Variants in BNC2 observed in about 807,000 individuals in gnomAD.
BNC2 encodes basonuclin zinc finger protein 2.
Under a neutral mutation model 76.3 loss-of-function variants are expected in BNC2, and 20 were observed. The observed-to-expected ratio is 0.26, with a 90% CI of 0.18 to 0.38. The LOEUF (loss-of-function observed/expected upper bound fraction) is 0.38. BNC2 is among the 10% of genes least tolerant of loss of function. The probability of loss-of-function intolerance (pLI) is 1.00; values close to 1 mark genes in which losing one functional copy is unlikely to be tolerated. For synonymous variants in BNC2, 582 were observed against 514.8 expected (o/e 1.13, Z -1.77); for missense variants, 1,382 against 1,399.8 (o/e 0.99, Z 0.20).
rs957058644 is a variant in BNC2 at position 16,614,671 on chromosome 9, G to C, written c.331-31586C>G. On this transcript the variant is annotated intron_variant, in intron 3 of 6. Coordinates refer to ENST00000380672, the MANE Select transcript of BNC2 (RefSeq NM_017637.6). The stretch of plus-strand genomic sequence containing the variant: ...GCATGAAGTTAAAAAAAATGGCCAG[G>C]AGTGGTGGCTCATGCCTGTAATTCC... Among the ~76,000 whole-genome samples, 9 of 152,096 alleles carry C rather than the reference G, an allele frequency of 5.9e-5. No individual in the cohort carries two copies. In the South Asian group the frequency reaches 1.9e-3, roughly 32 times the overall value.
At chr9:16,607,808 T>G (rs1416998072) in intron 3 of BNC2, among the ~76,000 whole-genome samples, 1 of 152,222 alleles carries the variant, frequency 6.6e-6, no homozygotes, top group African/African-American at 2.4e-5. Flanking sequence ...TCTAGTGACC[T>G]AACTTATAGA....
intron 3 of BNC2, among the ~76,000 whole-genome samples, chr9:16,615,380 G>A (rs1330574645): frequency 1.3e-5 from 2 of 152,106 alleles, no homozygotes; most frequent in South Asian, 2.1e-4. Context: ...AGTTTTGAGA[G>A]ATGATATATG....
chr9:16,652,976 C>A (rs532806032), intron 3 of BNC2, among the ~76,000 whole-genome samples: 1 of 152,070 alleles, frequency 6.6e-6, no homozygotes, highest in Non-Finnish European at 1.5e-5. Context: ...TAATGGTTTA[C>A]GGGATCAAGT....
Position 16,651,626 on chromosome 9 carries a change from G to A in BNC2, c.331-68541C>T, listed in dbSNP as rs564135183. ...GTGATGTATTTATAATACAGCTTGC[G>A]ATGCTATAAAATGGCTCATCAATCT... On this transcript the variant is annotated intron_variant, in intron 3 of 6. Transcript: ENST00000380672. Among the ~76,000 whole-genome samples the A allele has an allele frequency of 8.9e-4, 136 of 152,204 alleles. 1 individual carries two copies. Among genetic ancestry groups the A allele is most frequent in the South Asian group, 5.2e-3 (25 of 4,816 alleles).
At chr9:16,545,286 T>A (rs1472589374) in intron 5 of BNC2, among the ~76,000 whole-genome samples, 3 of 152,240 alleles carry the variant, frequency 2.0e-5, no homozygotes, top group Admixed American at 2.0e-4. Context: ...ATCATCAGGT[T>A]GGCAGTAGTC....
At chr9:16,775,328 C>G (rs1825935584) in intron 1 of BNC2, among the ~76,000 whole-genome samples, 1 of 151,252 alleles carries the variant, frequency 6.6e-6, no homozygotes, top group Non-Finnish European at 1.5e-5. Context: ...GAGCAATATA[C>G]AGAAGTAGCT....
At chr9:16,771,574 A>G (rs1038123488) in intron 1 of BNC2, among the ~76,000 whole-genome samples, 2 of 152,236 alleles carry the variant, frequency 1.3e-5, no homozygotes, top group Non-Finnish European at 2.9e-5. Flanking sequence ...ATGAATAGTC[A>G]GCAAAAAAGA....
chr9:16,617,354 A>G lies in BNC2; in HGVS notation c.331-34269T>C, dbSNP rs1265757527. ...TGAAAACATCATTCTATGACAAATTATACCTGATAAAGAATGTATCACCCA... is the reference window on the plus strand; with the variant it reads ...TGAAAACATCATTCTATGACAAATTGTACCTGATAAAGAATGTATCACCCA... On this transcript the variant is annotated intron_variant, in intron 3 of 6. Coordinates refer to ENST00000380672, the MANE Select transcript of BNC2 (RefSeq NM_017637.6). Among the ~76,000 whole-genome samples, 5 of 152,322 alleles carry G rather than the reference A, an allele frequency of 3.3e-5. No individual in the cohort carries two copies. In the East Asian group the frequency reaches 7.7e-4, roughly 24 times the overall value.
At chr9:16,781,544 T>C (rs1826155134) in intron 1 of BNC2, among the ~76,000 whole-genome samples, 1 of 152,186 alleles carries the variant, frequency 6.6e-6, no homozygotes, top group Non-Finnish European at 1.5e-5. Context: ...GGTTTCGTTG[T>C]GTTGCCCATG....
intron 3 of BNC2, among the ~76,000 whole-genome samples, chr9:16,671,040 G>A (rs934427435): frequency 7.2e-5 from 11 of 151,972 alleles, no homozygotes; most frequent in Non-Finnish European, 1.3e-4. Flanking sequence ...ACGGCCATAC[G>A]GATCAAGGGA....
At chr9:16,589,433 G>A (rs991905480) in intron 3 of BNC2, among the ~76,000 whole-genome samples, 2 of 151,798 alleles carry the variant, frequency 1.3e-5, no homozygotes, top group African/African-American at 2.4e-5. Flanking sequence ...CGATTTGCCC[G>A]CCTCAGCCTC....
intron 5 of BNC2, among the ~76,000 whole-genome samples, chr9:16,461,229 A>G (rs1487437766): frequency 2.6e-5 from 4 of 152,142 alleles, no homozygotes; most frequent in African/African-American, 9.7e-5. Context: ...AAAAATGATC[A>G]TTTTATATCC....
intron 3 of BNC2, among the ~76,000 whole-genome samples, chr9:16,651,491 T>A (rs1391487608): frequency 2.0e-5 from 3 of 152,212 alleles, no homozygotes; most frequent in Admixed American, 2.0e-4. Flanking sequence ...GGTTTGGGTT[T>A]CTTACCCTCC....
At position 16,598,447 on chromosome 9, in the gene BNC2, T is replaced by C. The variant is rs186835288; in HGVS notation, c.331-15362A>G. On this transcript the variant is annotated intron_variant, in intron 3 of 6. Transcript: ENST00000380672. ...TTAGCATGTATTTACTAGCAGAATA[T>C]GCAAAAGTTGCTGTTCAGAAATCAC... is the stretch of plus-strand genomic sequence containing the variant. Among the ~76,000 whole-genome samples the C allele has an allele frequency of 1.4e-3, 212 of 152,328 alleles. 4 individuals are homozygous for C. The highest frequency in any genetic ancestry group is 0.013 in the Admixed American group (195 of 15,300).
chr9:16,811,816 C>T (rs1183032282), intron 1 of BNC2, among the ~76,000 whole-genome samples: 1 of 152,170 alleles, frequency 6.6e-6, no homozygotes, highest in African/African-American at 2.4e-5. Context: ...GGGGGCAAAG[C>T]AGTAAAACAT....
intron 4 of BNC2, among the ~76,000 whole-genome samples, chr9:16,557,178 T>C (rs1043455912): frequency 2.0e-5 from 3 of 152,094 alleles, no homozygotes; most frequent in African/African-American, 7.2e-5. Context: ...CATCTGCTGA[T>C]GTGTCCCATA....
chr9:16,522,288 A>C (rs1817643706), intron 5 of BNC2, among the ~76,000 whole-genome samples: 1 of 152,162 alleles, frequency 6.6e-6, no homozygotes, highest in Non-Finnish European at 1.5e-5. Context: ...CATTAGCAGA[A>C]ATGTCACTCA....
At chr9:16,525,242 C>T (rs1436350465) in intron 5 of BNC2, among the ~76,000 whole-genome samples, 1 of 151,698 alleles carries the variant, frequency 6.6e-6, no homozygotes, top group African/African-American at 2.4e-5. Context: ...GGTAATAAAA[C>T]CACACAAAAC....
In BNC2 at chr9:16,421,188, T is replaced by A. The variant is rs1372562454; in HGVS notation, c.2640-1539A>T. On this transcript the variant is annotated intron_variant, in intron 6 of 6. Transcript: ENST00000380672. ...TTCTCCACCTTTCCACACAAGACAA[T>A]ATACAGCACTCTGGGTTTTAAGGGG... The A allele has an allele frequency of 8.7e-6, 9 of 1,030,248 alleles. No individual in the cohort carries two copies. The East Asian group carries it at 5.6e-4, about 64-fold the overall frequency. The allele number at this position is 1,030,248 out of a possible 1,614,324, so 63.8% of individuals were successfully genotyped here. A position where few individuals can be genotyped will look rare whatever the true frequency, so the allele number is the denominator to read the frequency against.
Sources: gnomAD v4.1 joint callset for allele counts (sites outside exome capture counted in the v4.1 genomes callset) on GRCh38, gnomAD v4.1.1 for gene constraint, MANE v1.5 for transcripts, NCBI Gene and HGNC (gene_info 2026-07-23, HGNC 2026-07-21) for gene names.